CUL2: variants seen among roughly 807,000 people sequenced by gnomAD.
The protein encoded by CUL2 is cullin-2.
CUL2 carries 22 observed loss-of-function variants against 110.2 expected under a neutral mutation model. The ratio of observed to expected loss-of-function variants is 0.20; its 90% confidence interval spans 0.14 to 0.28. The LOEUF (loss-of-function observed/expected upper bound fraction) is 0.28, where lower values mean the gene tolerates loss of function less well. CUL2 is among the 10% of genes least tolerant of loss of function. CUL2 has a pLI of 1.00. For synonymous variants in CUL2, 279 were observed against 293.2 expected, an observed-to-expected ratio of 0.95 and a Z score of 0.49; for missense variants, 631 against 905.5, an observed-to-expected ratio of 0.70 and a Z score of 3.89.
chr10:35,009,783 C>G lies in CUL2; in HGVS notation c.*528G>C, dbSNP rs2084853247. 1 of 152,480 alleles carries G rather than the reference C, an allele frequency of 6.6e-6. No homozygotes were observed. Among genetic ancestry groups the G allele is most frequent in the African/African-American group, 2.4e-5 (1 of 41,414 alleles). The allele number at this position is 152,480 out of a possible 1,614,324, so 9.4% of individuals were successfully genotyped here. A position where few individuals can be genotyped will look rare whatever the true frequency, so the allele number is the denominator to read the frequency against. ...TTAAACCATTCAGATAAAAACGCAA[C>G]TAAAGATGCATTAGCTGCTTTGAGT... On this transcript the variant is annotated 3_prime_UTR_variant, in exon 21 of 21. Transcript: ENST00000374749.
chr10:35,122,169 G>C lies in CUL2; in HGVS notation c.-51+4436C>G, dbSNP rs193277525. Among the ~76,000 whole-genome samples, 376 of 152,258 alleles carry C rather than the reference G, an allele frequency of 2.5e-3. 1 individual carries two copies. The highest frequency in any genetic ancestry group is 4.6e-3 in the Non-Finnish European group (313 of 68,020). On this transcript the variant is annotated intron_variant, in intron 1 of 5. Transcript: ENST00000685421. ...TAAATTGGGCACACTATCTTTGTAA[G>C]TCTCAAATCCTAAAGTTTGAATAGA...
At chr10:35,024,230 T>G (rs1011196566) in intron 17 of CUL2, among the ~76,000 whole-genome samples, 39 of 152,176 alleles carry the variant, frequency 2.6e-4, no homozygotes, top group African/African-American at 9.2e-4. Context: ...ATGTCCAACT[T>G]GCTCAGTAAA....
At chr10:35,061,414 C>T (rs1461796660) in intron 3 of CUL2, among the ~76,000 whole-genome samples, 3 of 147,854 alleles carry the variant, frequency 2.0e-5, no homozygotes, top group Non-Finnish European at 4.5e-5. Context: ...GCACCGAGAC[C>T]CCACCACTGC....
rs990464264 is a variant in CUL2, at chr10:35,072,173, C to G, written c.-22-834G>C. ...GGAAGAAATTTACATTTATATTAAA[C>G]CAAACAGGGATGAATTATGGAGTAG... On this transcript the variant is annotated intron_variant, in intron 1 of 20. Coordinates refer to ENST00000374749, the MANE Select transcript of CUL2 (RefSeq NM_003591.4). Among the ~76,000 whole-genome samples the G allele has an allele frequency of 5.3e-5, 8 of 152,098 alleles. No individual in the cohort carries two copies. In the East Asian group the frequency reaches 1.4e-3, roughly 26 times the overall value.
chr10:35,054,512 C>T lies in CUL2; in HGVS notation c.345G>A (p.Lys115=), dbSNP rs775548618. The change falls in exon 5 of 21, where the codon AAG becomes AAA. Residue 115 remains lysine (K), a synonymous_variant. Transcript: ENST00000374749. ...YRYLNTQFIK[K]NKLTEADLQY... The stretch of plus-strand genomic sequence containing the variant: ...GAAGGTCCGCTTCTGTTAATTTATT[C>T]TTTTTAATAAACTGGGTGTTGAGAT... 1 of 1,592,618 alleles carries T rather than the reference C, an allele frequency of 6.3e-7. No individual in the cohort carries two copies. Among genetic ancestry groups the T allele is most frequent in the South Asian group, 1.1e-5 (1 of 87,308 alleles).
intron 1 of CUL2, among the ~76,000 whole-genome samples, chr10:35,101,897 A>G (rs999671164): frequency 3.3e-5 from 5 of 152,172 alleles, no homozygotes; most frequent in Non-Finnish European, 2.9e-5. Context: ...GAAAAACAGG[A>G]TATCTGTGTT....
At chr10:35,108,907 G>GT (rs1200890191) in intron 1 of CUL2, among the ~76,000 whole-genome samples, 1 of 152,108 alleles carries the variant, frequency 6.6e-6, no homozygotes, top group Non-Finnish European at 1.5e-5. Context: ...CTGAATTAAT[G>GT]TTTTTTAAAA....
intron 3 of CUL2, among the ~76,000 whole-genome samples, 190 bp from the exon 4 acceptor site, chr10:35,061,158 T>C (rs1486694921): frequency 2.6e-5 from 4 of 152,112 alleles, no homozygotes; most frequent in African/African-American, 7.2e-5. Flanking sequence ...GTCTTCAAAA[T>C]GAAAGTGAAG....
Position 35,103,355 on chromosome 10 carries a change from C to T in CUL2, c.-50-2295G>A, listed in dbSNP as rs372480321. 2.8e-4 allele frequency among the ~76,000 whole-genome samples: 31 copies of T among 111,962 alleles called. No individual in the cohort carries two copies. In the East Asian group the frequency reaches 5.8e-3, roughly 21 times the overall value. 73.5% of individuals were successfully genotyped at this position (111,962 alleles called of 152,430 possible). On this transcript the variant is annotated intron_variant, in intron 1 of 5. Transcript: ENST00000685421. ...TTTATTTTTTTTTGAGACGGAGTTT[C>T]GCTCTGTCGCCCAGGCTGGAGCGCA...
chr10:35,025,095 A>T, intron 17 of CUL2, 37 bp downstream of exon 17: 1 of 1,449,546 alleles, frequency 6.9e-7, no homozygotes, highest in Non-Finnish European at 9.1e-7. Context: ...TCATCAGGTA[A>T]ATTTCATTAA....
At position 35,098,750 on chromosome 10, in the gene CUL2, G is replaced by A. The variant is rs560955195; in HGVS notation, c.167+2094C>T. On this transcript the variant is annotated intron_variant, in intron 2 of 5. Coordinates refer to the CUL2 transcript ENST00000685421. ...GTTCGAGACCAACCTGGCCAACATGGCGAAACCCCATCTCTACTAAAAAAA... is the reference window on the plus strand; with the variant it reads ...GTTCGAGACCAACCTGGCCAACATGACGAAACCCCATCTCTACTAAAAAAA... Among the ~76,000 whole-genome samples the A allele has an allele frequency of 9.2e-5, 14 of 151,898 alleles. No individual in the cohort carries two copies. In the South Asian group the frequency reaches 2.7e-3, roughly 29 times the overall value.
intron 1 of CUL2, among the ~76,000 whole-genome samples, chr10:35,123,695 AT>A (rs1226833545): frequency 1.3e-5 from 2 of 152,230 alleles, no homozygotes; most frequent in Admixed American, 1.3e-4. Flanking sequence ...TAAAACAACA[AT>A]AAAAAATCAA....
intron 1 of CUL2, among the ~76,000 whole-genome samples, chr10:35,107,618 C>A (rs950699543): frequency 6.6e-6 from 1 of 151,870 alleles, no homozygotes; most frequent in South Asian, 2.1e-4. Flanking sequence ...CGCGGTGGCT[C>A]ATGCCTGTAA....
At chr10:35,023,065 T>C (rs2085242955) in intron 17 of CUL2, among the ~76,000 whole-genome samples, 1 of 151,878 alleles carries the variant, frequency 6.6e-6, no homozygotes, top group Non-Finnish European at 1.5e-5. Flanking sequence ...AAAAAGAAAA[T>C]TGCTGTGACA....
At chr10:35,010,831 A>G (rs2084881374) in intron 20 of CUL2, among the ~76,000 whole-genome samples, 1 of 152,166 alleles carries the variant, frequency 6.6e-6, no homozygotes. Flanking sequence ...TTATTTGCAT[A>G]TCATTTCAAT....
rs1197615696 is a variant in CUL2, at chr10:35,010,305, G to A, written c.*6C>T. On this transcript the variant is annotated 3_prime_UTR_variant, in exon 21 of 21. Coordinates refer to ENST00000374749, the MANE Select transcript of CUL2 (RefSeq NM_003591.4). ...TCTTCTCACACCACGCTGGAGGAGA[G>A]CGACATCACGCGACGTAGCTGTATT... 1 of 1,603,220 alleles carries A rather than the reference G, an allele frequency of 6.2e-7. No individual in the cohort carries two copies. The highest frequency in any genetic ancestry group is 8.5e-7 in the Non-Finnish European group (1 of 1,174,438).
At chr10:35,058,369 C>T (rs1054417929) in intron 4 of CUL2, among the ~76,000 whole-genome samples, 1 of 152,138 alleles carries the variant, frequency 6.6e-6, no homozygotes, top group Non-Finnish European at 1.5e-5. Context: ...AAAGCCTCAG[C>T]CATTTCCTGA....
In CUL2 at chr10:35,044,623, G is replaced by A. The variant is rs1211717288; in HGVS notation, c.657C>T (p.Tyr219=). ...SPFLTETGEY[Y]KQEASNLLQE... Reference sequence around the variant, plus strand: ...GTAATAAATTTGAAGCTTCTTGTTTGTAATACTCTCCTGTTTCAGTCAGAA... The same window carrying A: ...GTAATAAATTTGAAGCTTCTTGTTTATAATACTCTCCTGTTTCAGTCAGAA... Residue 219 remains tyrosine (Y), a synonymous_variant, in exon 8 of 21, where the codon TAC becomes TAT. Transcript: ENST00000374749. 2 of 1,610,854 alleles carry A rather than the reference G, an allele frequency of 1.2e-6. No individual in the cohort carries two copies. The highest frequency in any genetic ancestry group is 2.2e-5 in the East Asian group (1 of 44,726).
At chr10:35,033,500 G>A (rs1338444060) in intron 10 of CUL2, among the ~76,000 whole-genome samples, 2 of 152,108 alleles carry the variant, frequency 1.3e-5, no homozygotes, top group Non-Finnish European at 2.9e-5. Flanking sequence ...CTTCTGGGAG[G>A]CTGAGGCGGG....
Sources: allele counts gnomAD v4.1 joint callset (sites outside exome capture counted in the v4.1 genomes callset), GRCh38; gene constraint gnomAD v4.1.1; transcripts MANE v1.5; gene names NCBI Gene and HGNC (gene_info 2026-07-23, HGNC 2026-07-21).